Variants in TMEM178B observed in about 807,000 individuals in gnomAD.
The protein encoded by TMEM178B is transmembrane protein 178B.
TMEM178B carries 5 observed loss-of-function variants against 31.0 expected under a neutral mutation model. That is an observed-to-expected ratio of 0.16 (90% CI 0.08 to 0.34). TMEM178B has a LOEUF of 0.34. Among genes scored for constraint, TMEM178B ranks in the 10% least tolerant of loss-of-function variants. The probability of loss-of-function intolerance (pLI) is 1.00; values close to 1 mark genes in which losing one functional copy is unlikely to be tolerated. For synonymous variants in TMEM178B, 164 were observed against 164.0 expected (o/e 1.00, Z 0.00); for missense variants, 275 against 400.3 (o/e 0.69, Z 2.67).
chr7:141,435,684 A>G (rs1399689849), intron 2 of TMEM178B, among the ~76,000 whole-genome samples: 1 of 152,178 alleles, frequency 6.6e-6, no homozygotes, highest in African/African-American at 2.4e-5. Flanking sequence ...TGGCCTCACA[A>G]GCTCCTATTG....
chr7:141,189,555 G>A (rs1796664713), intron 1 of TMEM178B, among the ~76,000 whole-genome samples: 1 of 152,218 alleles, frequency 6.6e-6, no homozygotes, highest in Non-Finnish European at 1.5e-5. Context: ...ACTGGTGACT[G>A]AAGCGGTCAT....
At chr7:141,294,075 C>T (rs1028613393) in intron 2 of TMEM178B, among the ~76,000 whole-genome samples, 1 of 152,096 alleles carries the variant, frequency 6.6e-6, no homozygotes, top group Non-Finnish European at 1.5e-5. Context: ...GTTTGAGTCC[C>T]AAGTTTGCCA....
intron 1 of TMEM178B, among the ~76,000 whole-genome samples, chr7:141,168,945 C>T (rs1489339433): frequency 6.6e-6 from 1 of 152,216 alleles, no homozygotes; most frequent in Admixed American, 6.5e-5. Context: ...TTGGGATACC[C>T]ATTACCTCAA....
chr7:141,397,186 G>A (rs1302284655), intron 2 of TMEM178B, among the ~76,000 whole-genome samples: 2 of 152,228 alleles, frequency 1.3e-5, no homozygotes, highest in African/African-American at 4.8e-5. Context: ...AAATCATAGT[G>A]ATTAACTGTT....
intron 2 of TMEM178B, among the ~76,000 whole-genome samples, chr7:141,379,061 G>C (rs1800267934): frequency 6.6e-6 from 1 of 152,134 alleles, no homozygotes; most frequent in Non-Finnish European, 1.5e-5. Flanking sequence ...CGGATTTGGA[G>C]AGCCATGCAG....
intron 1 of TMEM178B, among the ~76,000 whole-genome samples, chr7:141,082,641 G>A (rs912662284): frequency 1.4e-4 from 21 of 152,252 alleles, no homozygotes; most frequent in African/African-American, 5.1e-4. Flanking sequence ...CTGGGCAAAT[G>A]AATGGATGGA....
At chr7:141,416,858 A>G (rs991248177) in intron 2 of TMEM178B, among the ~76,000 whole-genome samples, 1 of 152,204 alleles carries the variant, frequency 6.6e-6, no homozygotes, top group Admixed American at 6.5e-5. Context: ...ACTTAACAAA[A>G]GACCCAACAG....
intron 1 of TMEM178B, among the ~76,000 whole-genome samples, chr7:141,105,946 T>C (rs1795138532): frequency 6.6e-6 from 1 of 151,900 alleles, no homozygotes; most frequent in South Asian, 2.1e-4. Context: ...AATATAAAAA[T>C]TAGCCGGGCG....
chr7:141,167,690 A>C (rs1796284644), intron 1 of TMEM178B, among the ~76,000 whole-genome samples: 1 of 152,126 alleles, frequency 6.6e-6, no homozygotes, highest in African/African-American at 2.4e-5. Context: ...TCAAATGCAT[A>C]ATTAGTGAAT....
At chr7:141,254,181 CTT>C (rs1347643027) in intron 2 of TMEM178B, among the ~76,000 whole-genome samples, 2 of 152,160 alleles carry the variant, frequency 1.3e-5, no homozygotes, top group African/African-American at 2.4e-5. Context: ...CAGTTTCTCT[CTT>C]GTTTGATTGG....
At chr7:141,184,243 G>T (rs1258372141) in intron 1 of TMEM178B, among the ~76,000 whole-genome samples, 2 of 152,136 alleles carry the variant, frequency 1.3e-5, no homozygotes, top group Non-Finnish European at 2.9e-5. Flanking sequence ...CTTGGTATTT[G>T]TTCACTGGAT....
intron 1 of TMEM178B, among the ~76,000 whole-genome samples, chr7:141,179,163 C>G (rs1796477658): frequency 6.6e-6 from 1 of 152,182 alleles, no homozygotes; most frequent in South Asian, 2.1e-4. Flanking sequence ...AGCTAAAGGT[C>G]TAGATGTACT....
chr7:141,421,595 A>G (rs2116652555), intron 2 of TMEM178B, among the ~76,000 whole-genome samples: 1 of 152,312 alleles, frequency 6.6e-6, no homozygotes, highest in African/African-American at 2.4e-5. Context: ...GCTTGGGGCA[A>G]GTTCCTTATG....
intron 3 of TMEM178B, among the ~76,000 whole-genome samples, chr7:141,444,897 T>C (rs1801725118): frequency 6.6e-6 from 1 of 152,012 alleles, no homozygotes; most frequent in Admixed American, 6.5e-5. Context: ...GGTTCTGGGC[T>C]TCTAAGTGGG....
chr7:141,086,911 C>T (rs778834401), intron 1 of TMEM178B, among the ~76,000 whole-genome samples: 2 of 152,070 alleles, frequency 1.3e-5, no homozygotes, highest in African/African-American at 2.4e-5. Flanking sequence ...TCTTATCGAA[C>T]TCCTGACCTC....
intron 1 of TMEM178B, among the ~76,000 whole-genome samples, chr7:141,084,529 A>G (rs573862368): frequency 1.9e-4 from 29 of 152,282 alleles, no homozygotes; most frequent in African/African-American, 7.0e-4. Context: ...CTGTGCTGGG[A>G]GCCTGGATGG....
chr7:141,112,700 A>G (rs1795253446), intron 1 of TMEM178B, among the ~76,000 whole-genome samples: 1 of 152,176 alleles, frequency 6.6e-6, no homozygotes, highest in East Asian at 1.9e-4. Flanking sequence ...GACTCTAGGA[A>G]ATCTAAGAGG....
At chr7:141,144,712 G>T (rs577015838) in intron 1 of TMEM178B, among the ~76,000 whole-genome samples, 32 of 152,230 alleles carry the variant, frequency 2.1e-4, no homozygotes, top group African/African-American at 6.7e-4. Context: ...CAGAGGTAGG[G>T]TAAGCTGGGC....
chr7:141,404,303 T>TCAAAAA (rs750591891), intron 2 of TMEM178B, among the ~76,000 whole-genome samples: 24 of 152,000 alleles, frequency 1.6e-4, no homozygotes, highest in African/African-American at 5.8e-4. Flanking sequence ...AGACTCCATC[T>TCAAAAA]CAAAAACAAA....
Sources: gnomAD v4.1 joint callset for allele counts (sites outside exome capture counted in the v4.1 genomes callset) on GRCh38, gnomAD v4.1.1 for gene constraint, MANE v1.5 for transcripts, NCBI Gene and HGNC (gene_info 2026-07-23, HGNC 2026-07-21) for gene names.